Variants in PERM1 observed in about 807,000 individuals in gnomAD.
The protein encoded by PERM1 is PPARGC1 and ESRR induced regulator, muscle 1.
PERM1 carries 45 observed loss-of-function variants against 44.1 expected under a neutral mutation model. The observed-to-expected ratio is 1.02, with a 90% confidence interval of 0.80 to 1.31. The LOEUF is 1.31. Among genes scored for constraint, PERM1 ranks in the 50% most tolerant of loss-of-function variants. The pLI is 0.00. For synonymous variants in PERM1, 565 were observed against 477.1 expected (o/e 1.18, Z -2.40); for missense variants, 1,189 against 1,106.9 (o/e 1.07, Z -1.05).
rs568203136 is a variant in PERM1 at position 979,654 on chromosome 1, C to T, written c.1376G>A (p.Trp459Ter). The change falls in exon 1 of 3, where the codon TGG becomes TAG. Residue 459 changes from tryptophan to a stop codon, truncating the protein, a stop_gained. Coordinates refer to ENST00000433179, the Ensembl canonical transcript of PERM1. LOFTEE classifies it high-confidence loss of function. ...AGGCCCAGCTCTGCGGGTGGGAGGC[C>T]AGGCGAGGCCAGCGGCGTCGGCTCT... The T allele has an allele frequency of 3.3e-4, 512 of 1,550,268 alleles. 6 individuals are homozygous for T. The South Asian group carries it at 5.8e-3, about 17-fold the overall frequency.
exon 3 of PERM1, chr1:976,199 G>C (rs1198563443): frequency 1.3e-6 from 2 of 1,544,624 alleles, no homozygotes; most frequent in Non-Finnish European, 8.7e-7. Flanking sequence ...GGCTGTGGCT[G>C]CGGCGCCCTT....
At chr1:980,481 C>G in exon 1 of PERM1, 2 of 1,515,632 alleles carry the variant, frequency 1.3e-6, no homozygotes, top group African/African-American at 1.4e-5. Context: ...CTCGCCTCTT[C>G]TTTCGGCTGG....
exon 1 of PERM1, chr1:979,136 C>T (rs1168445572): frequency 1.3e-6 from 2 of 1,549,916 alleles, no homozygotes; most frequent in African/African-American, 2.7e-5. Context: ...TCCGGGGACC[C>T]CCGCCGCCTC....
At chr1:976,599 T>C in exon 2 of PERM1, 1 of 1,549,396 alleles carries the variant, frequency 6.5e-7, no homozygotes, top group Non-Finnish European at 8.7e-7. Context: ...TGAAGGCAAA[T>C]GATGGGACAG....
At chr1:979,390 C>T (rs1643720992) in exon 1 of PERM1, 2 of 1,508,780 alleles carry the variant, frequency 1.3e-6, no homozygotes, top group Non-Finnish European at 1.8e-6. Context: ...GGGCCGGGGC[C>T]CGACAGCCAC....
chr1:976,365 C>A (rs1643607106), intron 2 of PERM1, 96 bp from the exon 4 acceptor site: 1 of 1,478,502 alleles, frequency 6.8e-7, no homozygotes, highest in Admixed American at 2.4e-5. Context: ...AAGGTCGGTG[C>A]GGCCAGGGCC....
At chr1:981,967 G>A (rs967858758), upstream of PERM1, 4 of 1,050,342 alleles carry the variant, frequency 3.8e-6, no homozygotes, top group Non-Finnish European at 5.1e-6. Flanking sequence ...CCCACCCACT[G>A]ACCTTCGCCC....
chr1:979,136 C>A, exon 1 of PERM1: 1 of 1,550,034 alleles, frequency 6.5e-7, no homozygotes, highest in Non-Finnish European at 8.7e-7. Flanking sequence ...TCCGGGGACC[C>A]CCGCCGCCTC....
At chr1:980,150 C>A in exon 1 of PERM1, 1 of 1,550,322 alleles carries the variant, frequency 6.5e-7, no homozygotes, top group South Asian at 1.2e-5. Context: ...TCTGACTTAG[C>A]CCTTGAGACA....
At chr1:976,458 G>C (rs1395041634) in intron 2 of PERM1, 41 bp downstream of exon 3, 14 of 1,549,230 alleles carry the variant, frequency 9.0e-6, no homozygotes, top group East Asian at 2.4e-5. Flanking sequence ...CCCTCGGTCT[G>C]GCTTCTAGGC....
At position 976,249 on chromosome 1, in the gene PERM1, T is replaced by C. The variant is rs566238147; in HGVS notation, c.2296A>G (p.Thr766Ala). The C allele has an allele frequency of 7.2e-6, 11 of 1,529,444 alleles. No individual in the cohort carries two copies. The African/African-American group carries it at 1.5e-4, about 21-fold the overall frequency. The allele number at this position is 1,529,444 out of a possible 1,614,324, so 94.7% of individuals were successfully genotyped here. A position where few individuals can be genotyped will look rare whatever the true frequency, so the allele number is the denominator to read the frequency against. Reference sequence around the variant, plus strand: ...CGGAAGTAGCGGATGGCAGAGATGGTGCCGACGTTGGCCAGCAAGGCTGCA... The same window carrying C: ...CGGAAGTAGCGGATGGCAGAGATGGCGCCGACGTTGGCCAGCAAGGCTGCA... Residue 766 changes from threonine (T) to alanine (A), a missense_variant, in exon 3 of 3, where the codon ACC (threonine) becomes GCC (alanine). Physicochemically the swap from Thr to Ala is moderately conservative, Grantham distance 58. Coordinates refer to ENST00000433179, the Ensembl canonical transcript of PERM1.
chr1:978,087 T>A (rs1185537979), intron 1 of PERM1, among the ~76,000 whole-genome samples: 1 of 25,828 alleles, frequency 3.9e-5, no homozygotes, highest in Non-Finnish European at 7.1e-5. Context: ...CGGGAGCCGC[T>A]TCCCCCGCAA....
At chr1:981,261 C>G, upstream of PERM1, 2 of 1,388,504 alleles carry the variant, frequency 1.4e-6, no homozygotes. Flanking sequence ...AGATCCCCAG[C>G]TCCCATGACC....
intron 2 of PERM1, 73 bp downstream of exon 3, chr1:976,426 G>A: frequency 3.2e-6 from 5 of 1,545,782 alleles, no homozygotes; most frequent in Non-Finnish European, 4.4e-6. Context: ...GGGCCCCCGT[G>A]CACCCCTCGT....
At chr1:979,007 C>A (rs1278972279) in exon 1 of PERM1, 2 of 1,531,984 alleles carry the variant, frequency 1.3e-6, no homozygotes, top group Admixed American at 2.0e-5. Context: ...ACAGCCGGCC[C>A]CAGCACGCCC....
chr1:976,605 G>A (rs1196585362), exon 2 of PERM1: 2 of 1,549,214 alleles, frequency 1.3e-6, no homozygotes, highest in African/African-American at 1.4e-5. Flanking sequence ...CAAATGATGG[G>A]ACAGGCCCCC....
At chr1:976,463 C>A in intron 2 of PERM1, 36 bp downstream of exon 3, 2 of 1,549,318 alleles carry the variant, frequency 1.3e-6, no homozygotes, top group Non-Finnish European at 1.7e-6. Flanking sequence ...GGTCTGGCTT[C>A]TAGGCGCAGC....
At chr1:978,687 C>T (rs1265547967) in intron 1 of PERM1, among the ~76,000 whole-genome samples, 194 bp downstream of exon 2, 1 of 152,226 alleles carries the variant, frequency 6.6e-6, no homozygotes, top group African/African-American at 2.4e-5. Context: ...ACCCCCTGAA[C>T]AACCCGGGTG....
At chr1:976,050 C>T (rs1197287694) in exon 3 of PERM1, 7 of 980,400 alleles carry the variant, frequency 7.1e-6, no homozygotes, top group South Asian at 1.7e-5. Context: ...CAGGACACGC[C>T]CCCCTCCTGG....
Sources: allele counts gnomAD v4.1 joint callset (sites outside exome capture counted in the v4.1 genomes callset), GRCh38; gene constraint gnomAD v4.1.1; transcripts MANE v1.5; gene names NCBI Gene and HGNC (gene_info 2026-07-23, HGNC 2026-07-21).